RGS5: variants seen among roughly 807,000 people sequenced by gnomAD.
The protein encoded by RGS5 is regulator of G protein signaling 5, also known as regulator of G-protein signalling 5.
In RGS5, 20 loss-of-function variants were observed where a neutral mutation model predicts 18.9. The observed-to-expected ratio is 1.06, with a 90% CI of 0.74 to 1.54. The LOEUF (loss-of-function observed/expected upper bound fraction) is 1.54. RGS5 is among the 40% of genes most tolerant of loss of function. RGS5 has a pLI of 0.00. For missense variants in RGS5, 201 were observed against 211.8 expected (o/e 0.95, Z 0.32); for synonymous variants, 57 against 76.2 (o/e 0.75, Z 1.31).
At chr1:163,179,535 T>C (rs10917696) in intron 1 of RGS5, among the ~76,000 whole-genome samples, 28,561 of 152,104 alleles carry the variant, frequency 0.19, 2,787 homozygotes, top group Middle Eastern at 0.28. Flanking sequence ...ACATAGAGCA[T>C]AACAATTGGA....
At chr1:163,276,780 T>G (rs796507769) in intron 2 of RGS5, among the ~76,000 whole-genome samples, 6 of 152,176 alleles carry the variant, frequency 3.9e-5, no homozygotes, top group Non-Finnish European at 7.4e-5. Flanking sequence ...AATAAAAATT[T>G]GGTGGCCATT....
chr1:163,155,558 G>T (rs1235530166), intron 3 of RGS5, among the ~76,000 whole-genome samples: 3 of 152,156 alleles, frequency 2.0e-5, no homozygotes, highest in East Asian at 3.9e-4. Context: ...CCCTGAGACT[G>T]CTTCTCCTCT....
chr1:163,179,208 G>A (rs1225834520), intron 1 of RGS5, among the ~76,000 whole-genome samples: 2 of 152,196 alleles, frequency 1.3e-5, no homozygotes, highest in Non-Finnish European at 2.9e-5. Context: ...TAGTGGTAAA[G>A]GGCCTGGATA....
rs1305619392 is a variant in RGS5, at chr1:163,144,203, G to T, written c.*3139C>A. On this transcript the variant is annotated 3_prime_UTR_variant, in exon 5 of 5. Coordinates refer to ENST00000313961, the MANE Select transcript of RGS5 (RefSeq NM_003617.4). The stretch of plus-strand genomic sequence containing the variant: ...CATTTTAAAAGGTGTCTACCTGAAA[G>T]AAACAAAAAGTGTGTGTGTGTATGT... The T allele has an allele frequency of 6.6e-6, 1 of 152,050 alleles. No individual in the cohort carries two copies. Among genetic ancestry groups the T allele is most frequent in the Admixed American group, 6.6e-5 (1 of 15,260 alleles). The allele number at this position is 152,050 out of a possible 1,614,324, so 9.4% of individuals were successfully genotyped here.
At chr1:163,188,787 G>A (rs182952687) in intron 1 of RGS5, among the ~76,000 whole-genome samples, 284 of 151,842 alleles carry the variant, frequency 1.9e-3, no homozygotes, top group African/African-American at 6.3e-3. Context: ...GTGAAACCCC[G>A]TCTCTACTAA....
intron 2 of RGS5, among the ~76,000 whole-genome samples, chr1:163,264,268 T>C (rs1402240077): frequency 1.3e-5 from 2 of 152,128 alleles, no homozygotes; most frequent in African/African-American, 4.8e-5. Context: ...TCAGAAAATA[T>C]GGGCTTGAAT....
intron 3 of RGS5, among the ~76,000 whole-genome samples, chr1:163,156,442 AGCCTTTACTTACTACC>A (rs1272726046): frequency 6.6e-6 from 1 of 152,206 alleles, no homozygotes; most frequent in Non-Finnish European, 1.5e-5. Flanking sequence ...TCTGTGAGGT[AGCCTTTACTTACTACC>A]ATCGACTTGC....
At chr1:163,176,035 T>G (rs1258641295) in intron 1 of RGS5, among the ~76,000 whole-genome samples, 1 of 152,234 alleles carries the variant, frequency 6.6e-6, no homozygotes, top group African/African-American at 2.4e-5. Flanking sequence ...AACTATAAGA[T>G]GGCTGAAAAG....
In RGS5 at chr1:163,320,665, A is replaced by T. The variant is rs532093754; in HGVS notation, c.-378+957T>A. Reference sequence around the variant, plus strand: ...TCCTCACTGACTCTAATATTTTTTTAAAATCTATTTTCTTAATGTCCTTTT... The same window carrying T: ...TCCTCACTGACTCTAATATTTTTTTTAAATCTATTTTCTTAATGTCCTTTT... On this transcript the variant is annotated intron_variant, in intron 1 of 5. Transcript: ENST00000618415. Among the ~76,000 whole-genome samples, 162 of 152,270 alleles carry T rather than the reference A, an allele frequency of 1.1e-3. 1 individual carries two copies. Among genetic ancestry groups the T allele is most frequent in the African/African-American group, 3.7e-3 (152 of 41,550 alleles).
At chr1:163,241,289 C>T (rs1021854091) in intron 2 of RGS5, among the ~76,000 whole-genome samples, 2 of 152,122 alleles carry the variant, frequency 1.3e-5, no homozygotes, top group African/African-American at 4.8e-5. Flanking sequence ...TAAAATGGTG[C>T]TTGGCACAGA....
At chr1:163,294,373 G>T (rs1434535298) in intron 2 of RGS5, among the ~76,000 whole-genome samples, 1 of 152,254 alleles carries the variant, frequency 6.6e-6, no homozygotes, top group African/African-American at 2.4e-5. Flanking sequence ...AAAGTCTGGG[G>T]CTTACGCCGT....
intron 1 of RGS5, among the ~76,000 whole-genome samples, chr1:163,215,253 T>C (rs1660192720): frequency 6.6e-6 from 1 of 152,176 alleles, no homozygotes; most frequent in Non-Finnish European, 1.5e-5. Context: ...CTGCATAGTA[T>C]AATGGTAGAA....
chr1:163,290,581 A>G (rs543612819), intron 2 of RGS5, among the ~76,000 whole-genome samples: 8 of 151,800 alleles, frequency 5.3e-5, no homozygotes, highest in South Asian at 2.1e-4. Flanking sequence ...CCACATTAAT[A>G]TCACATTTTC....
chr1:163,316,527 G>A lies in RGS5; in HGVS notation c.-378+5095C>T, dbSNP rs979890088. The stretch of plus-strand genomic sequence containing the variant: ...ATGTGGTGCTTGAGCACAGGAGTTT[G>A]AGGCTGCAGTAAGCTATGATGACAC... On this transcript the variant is annotated intron_variant, in intron 1 of 5. Transcript: ENST00000618415. Among the ~76,000 whole-genome samples, 12 of 151,878 alleles carry A rather than the reference G, an allele frequency of 7.9e-5. No homozygotes were observed. In the Middle Eastern group the frequency reaches 0.017, roughly 215 times the overall value.
chr1:163,233,876 T>A (rs1480762915), intron 2 of RGS5, among the ~76,000 whole-genome samples: 1 of 152,240 alleles, frequency 6.6e-6, no homozygotes, highest in East Asian at 1.9e-4. Flanking sequence ...GTTGATCAGT[T>A]AGGGTGGGGC....
exon 1 of RGS5, chr1:163,217,619 GT>G (rs1660247275): frequency 6.5e-7 from 1 of 1,538,600 alleles, no homozygotes; most frequent in Non-Finnish European, 8.7e-7. Flanking sequence ...TTGTTTCTTT[GT>G]TTTGTCAGAC....
At chr1:163,214,013 A>G (rs1660165614) in intron 1 of RGS5, among the ~76,000 whole-genome samples, 1 of 152,114 alleles carries the variant, frequency 6.6e-6, no homozygotes, top group Admixed American at 6.5e-5. Context: ...TCATCAGATA[A>G]TTAATCGATT....
chr1:163,312,080 G>C (rs1649883070), intron 1 of RGS5, among the ~76,000 whole-genome samples: 1 of 152,200 alleles, frequency 6.6e-6, no homozygotes, highest in Non-Finnish European at 1.5e-5. Context: ...GGACCTGGTG[G>C]GAGGTGGCTG....
chr1:163,251,076 C>T (rs1480085894), intron 2 of RGS5, among the ~76,000 whole-genome samples: 1 of 152,026 alleles, frequency 6.6e-6, no homozygotes, highest in African/African-American at 2.4e-5. Context: ...AATTCAACCC[C>T]GAAGGTTATC....
Sources: allele counts gnomAD v4.1 joint callset (sites outside exome capture counted in the v4.1 genomes callset), GRCh38; gene constraint gnomAD v4.1.1; transcripts MANE v1.5; gene names NCBI Gene and HGNC (gene_info 2026-07-23, HGNC 2026-07-21).